CNTN3: variants seen among roughly 807,000 people sequenced by gnomAD.
The protein encoded by CNTN3 is contactin-3.
CNTN3 carries 60 observed loss-of-function variants against 119.1 expected under a neutral mutation model. The observed-to-expected ratio is 0.50, with a 90% CI of 0.41 to 0.62. The LOEUF (loss-of-function observed/expected upper bound fraction) is 0.62. Among genes scored for constraint, CNTN3 ranks in the 20% least tolerant of loss-of-function variants. The pLI is 0.00. For synonymous variants in CNTN3, 450 were observed against 438.7 expected (o/e 1.03, Z -0.32); for missense variants, 1,101 against 1,242.4 (o/e 0.89, Z 1.71).
At chr3:74,445,992 G>A (rs1310913775) in intron 4 of CNTN3, among the ~76,000 whole-genome samples, 1 of 152,152 alleles carries the variant, frequency 6.6e-6, no homozygotes, top group African/African-American at 2.4e-5. Context: ...AACCATACAT[G>A]ATAGCACTGT....
In CNTN3 at chr3:74,369,954, C is replaced by A; in HGVS notation, c.696G>T (p.Gln232His). 6.2e-7 allele frequency: 1 copy of A among 1,606,736 alleles called. No homozygotes were observed. Among genetic ancestry groups the A allele is most frequent in the Non-Finnish European group, 8.5e-7 (1 of 1,174,766 alleles). ...MGEYEPKIEV[Q>H]FPETLPAAKG... ...TAGCTGCTGGAAGAGTTTCTGGAAA[C>A]TGAACTTCTATTTTAGGTTCATATT... The change falls in exon 7 of 23, where the codon CAG becomes CAT. Residue 232 changes from glutamine (Q) to histidine (H), a missense_variant. Physicochemically the swap from Gln to His is conservative, Grantham distance 24. Transcript: ENST00000263665.
At chr3:74,545,119 C>G (rs1319016311) in intron 1 of CNTN3, among the ~76,000 whole-genome samples, 1 of 151,834 alleles carries the variant, frequency 6.6e-6, no homozygotes, top group East Asian at 1.9e-4. Context: ...TTTCAAATAC[C>G]CTTTGGTATT....
Position 74,490,013 on chromosome 3 carries a change from GGTTCTAT to G in CNTN3, c.183-3389_183-3383del, listed in dbSNP as rs1403199869. Among the ~76,000 whole-genome samples, 10 of 152,068 alleles carry G rather than the reference GGTTCTAT, an allele frequency of 6.6e-5. 1 individual carries two copies. On this transcript the variant is annotated intron_variant, in intron 3 of 22. Transcript: ENST00000263665. ...GTTCCATTCCCATCAAGCACATGTTGGTTCTATGTTCGATTGAATGCTTTTAGTCCTC... is the reference window on the plus strand; with the variant it reads ...GTTCCATTCCCATCAAGCACATGTTGGTTCGATTGAATGCTTTTAGTCCTC...
chr3:74,366,780 G>GTATATATATA lies in CNTN3; in HGVS notation c.947-1088_947-1079dup, dbSNP rs59223804. ...TGTGCGTGTGTGTGTGTGTGTGTGT[G>GTATATATATA]TATATATATATATATATATATATAT... On this transcript the variant is annotated intron_variant, in intron 8 of 22. Transcript: ENST00000263665. Among the ~76,000 whole-genome samples, 510 of 63,666 alleles carry GTATATATATA rather than the reference G, an allele frequency of 8.0e-3. 18 individuals carry two copies. Among genetic ancestry groups the GTATATATATA allele is most frequent in the East Asian group, 0.021 (38 of 1,828 alleles). 41.8% of individuals were successfully genotyped at this position (63,666 alleles called of 152,430 possible).
At chr3:74,600,931 T>G (rs893705744) in intron 1 of CNTN3, among the ~76,000 whole-genome samples, 1 of 152,048 alleles carries the variant, frequency 6.6e-6, no homozygotes, top group Admixed American at 6.6e-5. Context: ...TTTCCTTTAA[T>G]TCTTCCCAAC....
intron 13 of CNTN3, among the ~76,000 whole-genome samples, chr3:74,317,172 T>A (rs1481695258): frequency 6.7e-6 from 1 of 149,198 alleles, no homozygotes; most frequent in Non-Finnish European, 1.5e-5. Context: ...TGCCTTTTTT[T>A]TGTTTTCCAT....
chr3:74,559,289 G>C (rs1446622519), intron 1 of CNTN3, among the ~76,000 whole-genome samples: 2 of 152,078 alleles, frequency 1.3e-5, no homozygotes, highest in African/African-American at 2.4e-5. Context: ...TGATTCTTTA[G>C]ATGCAAGGAC....
intron 1 of CNTN3, among the ~76,000 whole-genome samples, chr3:74,560,244 A>G (rs540215379): frequency 6.6e-6 from 1 of 152,142 alleles, no homozygotes; most frequent in African/African-American, 2.4e-5. Flanking sequence ...TGAGGATCAG[A>G]TAAGTTAATA....
At chr3:74,285,882 T>C (rs1702107809) in intron 19 of CNTN3, among the ~76,000 whole-genome samples, 1 of 143,546 alleles carries the variant, frequency 7.0e-6, no homozygotes, top group African/African-American at 2.5e-5. Flanking sequence ...ATATTGCCAA[T>C]TTTCTGTAAG....
At chr3:74,586,600 C>A (rs182604866) in intron 1 of CNTN3, among the ~76,000 whole-genome samples, 1 of 152,186 alleles carries the variant, frequency 6.6e-6, no homozygotes, top group East Asian at 1.9e-4. Flanking sequence ...TTACTTCCCT[C>A]TGTGAGCCTC....
At chr3:74,299,752 G>T in intron 17 of CNTN3, 116 bp downstream of exon 17, 2 of 721,932 alleles carry the variant, frequency 2.8e-6, no homozygotes, top group East Asian at 2.8e-5. Context: ...GCACCCACCA[G>T]CCACACCCCC....
intron 1 of CNTN3, among the ~76,000 whole-genome samples, chr3:74,594,104 CA>C (rs1166635281): frequency 6.6e-6 from 1 of 151,734 alleles, no homozygotes; most frequent in Non-Finnish European, 1.5e-5. Flanking sequence ...GAAGGGCAGG[CA>C]AACTCTGAAT....
chr3:74,430,914 C>T (rs1235909851), intron 4 of CNTN3, among the ~76,000 whole-genome samples: 1 of 152,068 alleles, frequency 6.6e-6, no homozygotes, highest in Admixed American at 6.6e-5. Context: ...AAGTGGCTTG[C>T]TGACCCCGCT....
At chr3:74,600,818 T>C (rs1043205281) in intron 1 of CNTN3, among the ~76,000 whole-genome samples, 41 of 152,100 alleles carry the variant, frequency 2.7e-4, no homozygotes, top group African/African-American at 9.4e-4. Context: ...CAGGCCAGAT[T>C]TTTTCAACCA....
At chr3:74,333,387 A>T (rs1275960696) in intron 13 of CNTN3, among the ~76,000 whole-genome samples, 1 of 152,164 alleles carries the variant, frequency 6.6e-6, no homozygotes, top group Non-Finnish European at 1.5e-5. Context: ...CTCCCTGCAA[A>T]ATCTCTAAGG....
At chr3:74,569,632 T>G (rs1279192132) in intron 1 of CNTN3, among the ~76,000 whole-genome samples, 2 of 152,182 alleles carry the variant, frequency 1.3e-5, no homozygotes, top group Admixed American at 6.5e-5. Flanking sequence ...AGATTTTTCT[T>G]AAGCTTTGTG....
In CNTN3 at chr3:74,532,914, C is replaced by T. The variant is rs569659686; in HGVS notation, c.-80-11722G>A. Among the ~76,000 whole-genome samples the T allele has an allele frequency of 2.6e-5, 4 of 152,126 alleles. No individual in the cohort carries two copies. The South Asian group carries it at 8.3e-4, about 32-fold the overall frequency. ...GAGGGAAGAGTCTTCTCAGGATTAA[C>T]TTGCATGATAATGATTCCACCTTAG... On this transcript the variant is annotated intron_variant, in intron 1 of 22. Coordinates refer to ENST00000263665, the MANE Select transcript of CNTN3 (RefSeq NM_020872.3).
intron 5 of CNTN3, 118 bp downstream of exon 5, chr3:74,424,727 T>C: frequency 1.2e-6 from 1 of 839,682 alleles, no homozygotes; most frequent in Non-Finnish European, 2.0e-6. Context: ...AGACAAAATC[T>C]AATGCTCAGG....
chr3:74,304,493 T>C (rs981086788), intron 13 of CNTN3, among the ~76,000 whole-genome samples: 59 of 152,340 alleles, frequency 3.9e-4, no homozygotes, highest in African/African-American at 1.4e-3. Context: ...GGCATTGGGG[T>C]AAGGTTGTTA....
Sources: allele counts gnomAD v4.1 joint callset (sites outside exome capture counted in the v4.1 genomes callset), GRCh38; gene constraint gnomAD v4.1.1; transcripts MANE v1.5; gene names NCBI Gene and HGNC (gene_info 2026-07-23, HGNC 2026-07-21).